PDE4B: variants seen among roughly 807,000 people sequenced by gnomAD.
PDE4B encodes the protein 3',5'-cyclic-AMP phosphodiesterase 4B.
PDE4B carries 20 observed loss-of-function variants against 82.2 expected under a neutral mutation model. That is an observed-to-expected ratio of 0.24 (90% CI 0.17 to 0.35). The LOEUF is 0.35. Ranked by LOEUF, PDE4B falls within the 10% of genes least tolerant of loss-of-function variation. The pLI, the probability that PDE4B is intolerant of heterozygous loss-of-function variation, is 1.00. For synonymous variants in PDE4B, 320 were observed against 318.9 expected (o/e 1.00, Z -0.04); for missense variants, 655 against 907.2 (o/e 0.72, Z 3.57).
intron 1 of PDE4B, among the ~76,000 whole-genome samples, chr1:65,880,808 G>A (rs1282559191): frequency 6.6e-6 from 1 of 151,982 alleles, no homozygotes; most frequent in Non-Finnish European, 1.5e-5. Flanking sequence ...CTTGATCTTT[G>A]GACTGCATTT....
intron 3 of PDE4B, among the ~76,000 whole-genome samples, chr1:66,240,050 G>T (rs1045730014): frequency 1.3e-5 from 2 of 152,218 alleles, no homozygotes; most frequent in South Asian, 2.1e-4. Flanking sequence ...CCCTGTGGAA[G>T]GCATTCTAGC....
intron 3 of PDE4B, among the ~76,000 whole-genome samples, chr1:66,230,210 T>C (rs1304795083): frequency 6.6e-6 from 1 of 152,178 alleles, no homozygotes; most frequent in African/African-American, 2.4e-5. Context: ...AATGATATTC[T>C]AGATGGAGAG....
intron 3 of PDE4B, among the ~76,000 whole-genome samples, chr1:66,217,008 T>C (rs930707747): frequency 6.6e-6 from 1 of 152,156 alleles, no homozygotes; most frequent in Non-Finnish European, 1.5e-5. Flanking sequence ...GAACTTAAAT[T>C]ACTCTCTTCT....
chr1:66,034,941 T>A (rs17128274), intron 3 of PDE4B, among the ~76,000 whole-genome samples: 10,761 of 152,146 alleles, frequency 0.071, 698 homozygotes, highest in East Asian at 0.26. Context: ...TGGGGGACTG[T>A]TTAAACTTTT....
In PDE4B at chr1:65,794,494, G is replaced by A. The variant is rs185968947; in HGVS notation, c.-71+1246G>A. On this transcript the variant is annotated intron_variant, in intron 1 of 16. Transcript: ENST00000341517. ...GTAGGTAGGGGTCTAGAATTTATCT[G>A]TACATGAATTCACAAGAAGATAGAT... 1.8e-4 allele frequency among the ~76,000 whole-genome samples: 28 copies of A among 152,206 alleles called. 1 individual carries two copies. The highest frequency in any genetic ancestry group is 3.1e-4 in the Non-Finnish European group (21 of 68,014).
chr1:65,871,798 T>G (rs906928646), intron 1 of PDE4B, among the ~76,000 whole-genome samples: 4 of 152,184 alleles, frequency 2.6e-5, no homozygotes, highest in African/African-American at 4.8e-5. Flanking sequence ...AAAAATCATG[T>G]AATAATGCTT....
At chr1:66,196,926 A>C (rs1190180168) in intron 3 of PDE4B, among the ~76,000 whole-genome samples, 1 of 151,996 alleles carries the variant, frequency 6.6e-6, no homozygotes, top group Non-Finnish European at 1.5e-5. Flanking sequence ...AACCTACACA[A>C]TATGCACATG....
At chr1:65,947,378 G>T (rs967803135) in intron 3 of PDE4B, among the ~76,000 whole-genome samples, 1 of 151,996 alleles carries the variant, frequency 6.6e-6, no homozygotes, top group East Asian at 1.9e-4. Context: ...GGCTCGGCTC[G>T]TGTATTAAAT....
At chr1:66,115,380 T>G (rs1645574932) in intron 3 of PDE4B, among the ~76,000 whole-genome samples, 1 of 152,192 alleles carries the variant, frequency 6.6e-6, no homozygotes, top group African/African-American at 2.4e-5. Flanking sequence ...CAGCCAATAT[T>G]GAGACTCACT....
At chr1:65,852,818 T>C (rs1482786872) in intron 1 of PDE4B, among the ~76,000 whole-genome samples, 1 of 152,058 alleles carries the variant, frequency 6.6e-6, no homozygotes, top group Non-Finnish European at 1.5e-5. Flanking sequence ...CTATTATATC[T>C]CTTGGTACAC....
intron 1 of PDE4B, among the ~76,000 whole-genome samples, chr1:65,838,634 TATATAC>T (rs1311799884): frequency 6.7e-6 from 1 of 149,388 alleles, no homozygotes; most frequent in African/African-American, 2.4e-5. Flanking sequence ...TGTGTGTATA[TATATAC>T]ATATACATAT....
At chr1:66,182,021 G>A (rs1647076133) in intron 3 of PDE4B, among the ~76,000 whole-genome samples, 1 of 151,856 alleles carries the variant, frequency 6.6e-6, no homozygotes, top group South Asian at 2.1e-4. Flanking sequence ...ATTTACTCAG[G>A]CAAGAAAGAC....
intron 1 of PDE4B, among the ~76,000 whole-genome samples, chr1:65,904,740 C>T (rs1339748490): frequency 6.6e-6 from 1 of 152,060 alleles, no homozygotes; most frequent in Non-Finnish European, 1.5e-5. Flanking sequence ...GGGTGTGAAT[C>T]CTGTCTCTCT....
chr1:66,296,232 A>G (rs1657504298), intron 7 of PDE4B, among the ~76,000 whole-genome samples: 1 of 152,170 alleles, frequency 6.6e-6, no homozygotes, highest in Admixed American at 6.5e-5. Flanking sequence ...TGATATCCAC[A>G]GGACCTGGCC....
chr1:66,202,717 C>A (rs546299868), intron 3 of PDE4B, among the ~76,000 whole-genome samples: 13 of 152,164 alleles, frequency 8.5e-5, no homozygotes, highest in African/African-American at 3.1e-4. Context: ...TTCCTCCATC[C>A]CTTTATTTTG....
rs185204826 is a variant in PDE4B at position 65,836,318 on chromosome 1, T to C, written c.-71+43070T>C. Reference sequence around the variant, plus strand: ...ATCCTTACCATGTCCCCATGTCCTATACATGGTCATCTCTACTCTGTAAGA... The same window carrying C: ...ATCCTTACCATGTCCCCATGTCCTACACATGGTCATCTCTACTCTGTAAGA... On this transcript the variant is annotated intron_variant, in intron 1 of 16. Transcript: ENST00000341517. Among the ~76,000 whole-genome samples, 48 of 152,328 alleles carry C rather than the reference T, an allele frequency of 3.2e-4. 2 individuals are homozygous for C. Among genetic ancestry groups the C allele is most frequent in the African/African-American group, 1.1e-3 (46 of 41,586 alleles).
In PDE4B at chr1:66,372,466, C is replaced by A; in HGVS notation, c.1999C>A (p.Gln667Lys). 1 of 1,614,068 alleles carries A rather than the reference C, an allele frequency of 6.2e-7. No individual in the cohort carries two copies. The highest frequency in any genetic ancestry group is 8.5e-7 in the Non-Finnish European group (1 of 1,179,978). ...AAGTCCCTCACCACCACTGGACGAG[C>A]AGAACAGGGACTGCCAGGGTCTGAT... is the stretch of plus-strand genomic sequence containing the variant. Reference protein sequence around the residue: ...PQSPSPPLDEQNRDCQGLMEK... With the variant: ...PQSPSPPLDEKNRDCQGLMEK... Residue 667 changes from glutamine (Q) to lysine (K), a missense_variant, in exon 17 of 17, where the codon CAG (glutamine) becomes AAG (lysine). Physicochemically the swap from Gln to Lys is moderately conservative, Grantham distance 53. Transcript: ENST00000341517.
chr1:66,229,174 A>AT (rs66461181), intron 3 of PDE4B, among the ~76,000 whole-genome samples: 2 of 151,080 alleles, frequency 1.3e-5, no homozygotes, highest in Admixed American at 6.6e-5. Context: ...TGCCCGGCTA[A>AT]TTTTTTTTGT....
chr1:66,192,628 G>A (rs549401628), intron 3 of PDE4B, among the ~76,000 whole-genome samples: 6 of 152,238 alleles, frequency 3.9e-5, no homozygotes, highest in Non-Finnish European at 5.9e-5. Flanking sequence ...GGAAATATCC[G>A]TTAAAGTGAA....
Sources: allele counts gnomAD v4.1 joint callset (sites outside exome capture counted in the v4.1 genomes callset), GRCh38; gene constraint gnomAD v4.1.1; transcripts MANE v1.5; gene names NCBI Gene and HGNC (gene_info 2026-07-23, HGNC 2026-07-21).